RORA: variants seen among roughly 807,000 people sequenced by gnomAD.
RORA encodes nuclear receptor ROR-alpha.
RORA carries 7 observed loss-of-function variants against 69.5 expected under a neutral mutation model. The observed-to-expected ratio is 0.10, with a 90% confidence interval of 0.06 to 0.19. The LOEUF is 0.19. RORA is among the 10% of genes least tolerant of loss of function. The pLI, the probability that RORA is intolerant of heterozygous loss-of-function variation, is 1.00. For synonymous variants in RORA, 261 were observed against 240.8 expected (o/e 1.08, Z -0.78); for missense variants, 457 against 663.0 (o/e 0.69, Z 3.41).
At chr15:60,891,659 C>A (rs1273146632) in intron 1 of RORA, among the ~76,000 whole-genome samples, 1 of 152,194 alleles carries the variant, frequency 6.6e-6, no homozygotes, top group Admixed American at 6.5e-5. Flanking sequence ...CTCCAGTGCC[C>A]ACTCTGCTCT....
chr15:60,592,541 A>T, intron 2 of RORA: 3 of 1,275,186 alleles, frequency 2.4e-6, no homozygotes, highest in Non-Finnish European at 3.0e-6. Context: ...GCCCGCCGAG[A>T]GCCATCCCGA....
intron 1 of RORA, among the ~76,000 whole-genome samples, chr15:60,873,346 T>C (rs947776754): frequency 2.0e-5 from 3 of 152,010 alleles, no homozygotes; most frequent in Non-Finnish European, 4.4e-5. Context: ...CAGTACAAAG[T>C]AGGTTTTTGG....
intron 1 of RORA, among the ~76,000 whole-genome samples, chr15:60,991,322 C>T (rs998970910): frequency 3.3e-5 from 5 of 152,048 alleles, no homozygotes; most frequent in East Asian, 3.9e-4. Flanking sequence ...GAATAAAGAC[C>T]GTCGGATTTA....
At position 60,859,898 on chromosome 15, in the gene RORA, C is replaced by T. The variant is rs76724151; in HGVS notation, c.167-181212G>A. On this transcript the variant is annotated intron_variant, in intron 1 of 10. Coordinates refer to ENST00000335670, the MANE Select transcript of RORA (RefSeq NM_134261.3). ...TGAGGAAGGTGAATGCTGCAACCCT[C>T]TCTCCTCAGCCCTGCAGCCGATCCC... Among the ~76,000 whole-genome samples the T allele has an allele frequency of 1.5e-3, 226 of 152,264 alleles. 2 individuals carry two copies. The South Asian group carries it at 0.018, about 12-fold the overall frequency.
chr15:60,877,112 C>T (rs1481440184), intron 1 of RORA, among the ~76,000 whole-genome samples: 4 of 152,162 alleles, frequency 2.6e-5, no homozygotes, highest in Admixed American at 2.0e-4. Flanking sequence ...TAAAAAAATA[C>T]TTTGCAGATA....
chr15:60,704,279 G>C (rs2071027408), intron 1 of RORA, among the ~76,000 whole-genome samples: 1 of 152,218 alleles, frequency 6.6e-6, no homozygotes, highest in African/African-American at 2.4e-5. Flanking sequence ...GTGAGTTGTA[G>C]GAGGGGCCAC....
chr15:60,939,480 G>C (rs1566917140), intron 1 of RORA, among the ~76,000 whole-genome samples: 1 of 152,178 alleles, frequency 6.6e-6, no homozygotes, highest in Non-Finnish European at 1.5e-5. Flanking sequence ...CTGGTCCTGA[G>C]GTACCTGTGA....
rs559322032 is a variant in RORA at position 60,587,337 on chromosome 15, G to T, written c.197-55486C>A. Reference sequence around the variant, plus strand: ...ATTTAAAGATATTAGGCTCAGCAAAGCATTACATAATTGGATCTATTTTTT... The same window carrying T: ...ATTTAAAGATATTAGGCTCAGCAAATCATTACATAATTGGATCTATTTTTT... On this transcript the variant is annotated intron_variant, in intron 2 of 10. Coordinates refer to ENST00000335670, the MANE Select transcript of RORA (RefSeq NM_134261.3). 6.6e-5 allele frequency among the ~76,000 whole-genome samples: 10 copies of T among 152,274 alleles called. No individual in the cohort carries two copies. In the East Asian group the frequency reaches 1.9e-3, roughly 29 times the overall value.
intron 1 of RORA, among the ~76,000 whole-genome samples, chr15:60,883,352 C>A (rs769502999): frequency 2.0e-5 from 3 of 152,006 alleles, no homozygotes; most frequent in Non-Finnish European, 4.4e-5. Context: ...TATTAAATAT[C>A]TAAAATATGG....
chr15:61,160,920 T>C (rs544711735), intron 1 of RORA, among the ~76,000 whole-genome samples: 2 of 152,286 alleles, frequency 1.3e-5, no homozygotes, highest in South Asian at 2.1e-4. Context: ...AGAATGTTTC[T>C]GGGGCAAGTA....
chr15:60,497,369 G>C lies in RORA; in HGVS notation c.*86C>G. 1 of 1,169,798 alleles carries C rather than the reference G, an allele frequency of 8.5e-7. No individual in the cohort carries two copies. Among genetic ancestry groups the C allele is most frequent in the Non-Finnish European group, 1.3e-6 (1 of 799,426 alleles). 72.5% of individuals were successfully genotyped at this position (1,169,798 alleles called of 1,614,324 possible). A position where few individuals can be genotyped will look rare whatever the true frequency, so the allele number is the denominator to read the frequency against. On this transcript the variant is annotated 3_prime_UTR_variant, in exon 11 of 11. Coordinates refer to ENST00000335670, the MANE Select transcript of RORA (RefSeq NM_134261.3). Reference sequence around the variant, plus strand: ...TGTGTGGCGCTCCAGGTCTGTGCAGGGCCATATAAAGTGTCTCGGTTAATT... The same window carrying C: ...TGTGTGGCGCTCCAGGTCTGTGCAGCGCCATATAAAGTGTCTCGGTTAATT...
intron 2 of RORA, among the ~76,000 whole-genome samples, chr15:60,578,798 C>G (rs958079941): frequency 6.8e-5 from 10 of 146,074 alleles, no homozygotes; most frequent in African/African-American, 1.8e-4. Flanking sequence ...GAGTCTCGCT[C>G]TGTTGCCCAG....
chr15:61,119,490 C>G (rs930830190), intron 1 of RORA, among the ~76,000 whole-genome samples: 3 of 150,958 alleles, frequency 2.0e-5, no homozygotes, highest in Admixed American at 6.6e-5. Context: ...TTTTTTCCCC[C>G]CAGAGACAGG....
At chr15:60,766,671 CTT>C (rs35501090) in intron 1 of RORA, among the ~76,000 whole-genome samples, 68 of 147,980 alleles carry the variant, frequency 4.6e-4, no homozygotes, top group South Asian at 2.8e-3. Context: ...ACAGACTGCA[CTT>C]TTTTTTTTTT....
At chr15:60,731,724 C>T (rs113505942) in intron 1 of RORA, among the ~76,000 whole-genome samples, 3 of 152,354 alleles carry the variant, frequency 2.0e-5, no homozygotes, top group African/African-American at 4.8e-5. Context: ...ATTCTTGGTA[C>T]TCCAGGCAGC....
rs145898415 is a variant in RORA at position 61,208,309 on chromosome 15, C to T, written c.166+20744G>A. 1.6e-3 allele frequency among the ~76,000 whole-genome samples: 250 copies of T among 152,314 alleles called. 2 individuals carry two copies. Among genetic ancestry groups the T allele is most frequent in the African/African-American group, 5.7e-3 (237 of 41,566 alleles). On this transcript the variant is annotated intron_variant, in intron 1 of 10. Coordinates refer to ENST00000335670, the MANE Select transcript of RORA (RefSeq NM_134261.3). ...GTGAAAGGAGGCAGACACAGAAGAA[C>T]ACATAGTATATGATTCCACTTAAAT... is the stretch of plus-strand genomic sequence containing the variant.
intron 1 of RORA, among the ~76,000 whole-genome samples, chr15:61,090,851 C>T (rs1181621752): frequency 6.6e-6 from 1 of 151,986 alleles, no homozygotes; most frequent in Non-Finnish European, 1.5e-5. Context: ...GCTTTTGTCA[C>T]CCCCAAAACG....
rs577729808 is a variant in RORA at position 61,054,103 on chromosome 15, C to A, written c.166+174950G>T. Reference sequence around the variant, plus strand: ...AAACTGTAGTTTGTTTCAAGCAAATCCACTTGGATTGAGCATGAAGGAAAA... The same window carrying A: ...AAACTGTAGTTTGTTTCAAGCAAATACACTTGGATTGAGCATGAAGGAAAA... On this transcript the variant is annotated intron_variant, in intron 1 of 10. Coordinates refer to ENST00000335670, the MANE Select transcript of RORA (RefSeq NM_134261.3). Among the ~76,000 whole-genome samples the A allele has an allele frequency of 1.1e-4, 16 of 151,764 alleles. No homozygotes were observed. In the East Asian group the frequency reaches 1.9e-3, roughly 18 times the overall value.
intron 1 of RORA, among the ~76,000 whole-genome samples, chr15:60,808,792 ACAC>A (rs1422722330): frequency 6.6e-6 from 1 of 151,736 alleles, no homozygotes; most frequent in Non-Finnish European, 1.5e-5. Context: ...ATACACACAC[ACAC>A]CATGGAATAC....
Sources: gnomAD v4.1 joint callset for allele counts (sites outside exome capture counted in the v4.1 genomes callset) on GRCh38, gnomAD v4.1.1 for gene constraint, MANE v1.5 for transcripts, NCBI Gene and HGNC (gene_info 2026-07-23, HGNC 2026-07-21) for gene names.